Variants in COL25A1 observed in about 807,000 individuals in gnomAD.
COL25A1 encodes the protein collagen alpha-1(XXV) chain.
Under a neutral mutation model 128.4 loss-of-function variants are expected in COL25A1, and 103 were observed. The observed-to-expected ratio is 0.80, with a 90% CI of 0.68 to 0.94. COL25A1 has a LOEUF of 0.94. Ranked by LOEUF, COL25A1 falls within the 40% of genes least tolerant of loss-of-function variation. The pLI, the probability that COL25A1 is intolerant of heterozygous loss-of-function variation, is 0.00. For missense variants in COL25A1, 745 were observed against 840.0 expected, an observed-to-expected ratio of 0.89 and a Z score of 1.40; for synonymous variants, 279 against 277.2, an observed-to-expected ratio of 1.01 and a Z score of -0.06.
chr4:108,844,373 A>G (rs1402259537), intron 30 of COL25A1, 146 bp downstream of exon 30: 1 of 1,376,988 alleles, frequency 7.3e-7, no homozygotes, highest in Non-Finnish European at 1.0e-6. Flanking sequence ...TAAAGTTAAT[A>G]TATCTCAAAG....
intron 3 of COL25A1, among the ~76,000 whole-genome samples, chr4:109,063,611 G>T (rs1486006555): frequency 6.6e-6 from 1 of 152,086 alleles, no homozygotes; most frequent in Non-Finnish European, 1.5e-5. Flanking sequence ...GGAAGCAGAG[G>T]CAGGAGGATC....
intron 8 of COL25A1, among the ~76,000 whole-genome samples, chr4:108,967,204 T>C (rs1261031158): frequency 6.6e-6 from 1 of 152,216 alleles, no homozygotes; most frequent in Non-Finnish European, 1.5e-5. Context: ...TGAAATAAGG[T>C]GTGACATCAT....
intron 8 of COL25A1, among the ~76,000 whole-genome samples, chr4:108,946,688 G>A (rs936672369): frequency 1.3e-5 from 2 of 152,090 alleles, no homozygotes; most frequent in Non-Finnish European, 2.9e-5. Flanking sequence ...TAAGTATTAT[G>A]GTGGAGAAGT....
chr4:108,829,072 T>C (rs1358173585), intron 32 of COL25A1, among the ~76,000 whole-genome samples: 1 of 152,178 alleles, frequency 6.6e-6, no homozygotes, highest in East Asian at 1.9e-4. Flanking sequence ...GCAGAAGCAA[T>C]TGCACTCAGC....
At position 109,269,180 on chromosome 4, in the gene COL25A1, G is replaced by C. The variant is rs557909414; in HGVS notation, c.367+31403C>G. Among the ~76,000 whole-genome samples the C allele has an allele frequency of 6.0e-4, 90 of 150,532 alleles. 1 individual carries two copies. The highest frequency in any genetic ancestry group is 1.3e-3 in the South Asian group (6 of 4,770). ...TCCCACCTATGAGTGAGAATATGCG[G>C]TGTTTGGTTTTTTGTTCTTGCGATA... On this transcript the variant is annotated intron_variant, in intron 3 of 37. Transcript: ENST00000399132.
At chr4:109,225,218 T>A (rs1778723388) in intron 3 of COL25A1, among the ~76,000 whole-genome samples, 1 of 152,164 alleles carries the variant, frequency 6.6e-6, no homozygotes, top group Non-Finnish European at 1.5e-5. Flanking sequence ...AGTAAAATAT[T>A]TGCAAAGTGT....
chr4:109,236,993 T>C (rs2126226502), intron 3 of COL25A1, among the ~76,000 whole-genome samples: 1 of 152,130 alleles, frequency 6.6e-6, no homozygotes, highest in East Asian at 1.9e-4. Flanking sequence ...ATGAAGGAAA[T>C]ACATCAAAAT....
chr4:108,856,547 T>C (rs758128054), intron 24 of COL25A1, among the ~76,000 whole-genome samples: 15 of 152,172 alleles, frequency 9.9e-5, no homozygotes, highest in Non-Finnish European at 1.8e-4. Flanking sequence ...ATTAATTTTA[T>C]GAGGGACTCA....
intron 3 of COL25A1, among the ~76,000 whole-genome samples, chr4:109,160,369 A>C (rs1772445954): frequency 6.6e-6 from 1 of 152,194 alleles, no homozygotes; most frequent in Non-Finnish European, 1.5e-5. Context: ...AACAATCAAA[A>C]ATTTTAAGTT....
At chr4:109,227,306 CA>C (rs1235380133) in intron 3 of COL25A1, among the ~76,000 whole-genome samples, 5 of 151,966 alleles carry the variant, frequency 3.3e-5, no homozygotes, top group African/African-American at 1.2e-4. Flanking sequence ...ATTATTTACA[CA>C]ATTTACACCT....
intron 21 of COL25A1, 79 bp from the exon 22 acceptor site, chr4:108,862,624 C>T (rs988204600): frequency 1.6e-6 from 2 of 1,212,512 alleles, no homozygotes; most frequent in Admixed American, 1.8e-5. Flanking sequence ...TTAGCAGTGA[C>T]TCAGAATAAT....
At chr4:109,118,101 A>G (rs1450850054) in intron 3 of COL25A1, among the ~76,000 whole-genome samples, 2 of 151,774 alleles carry the variant, frequency 1.3e-5, no homozygotes, top group Non-Finnish European at 3.0e-5. Flanking sequence ...TGGTCGAAAT[A>G]CAGCAATTAA....
chr4:109,301,587 G>T, intron 2 of COL25A1, 136 bp downstream of exon 2: 1 of 903,838 alleles, frequency 1.1e-6, no homozygotes, highest in Non-Finnish European at 1.7e-6. Context: ...ATAGATCCTT[G>T]GCCAACACAT....
intron 3 of COL25A1, among the ~76,000 whole-genome samples, chr4:109,128,920 GA>G (rs1432259236): frequency 1.3e-5 from 2 of 152,172 alleles, no homozygotes; most frequent in African/African-American, 4.8e-5. Flanking sequence ...AACAATATGT[GA>G]AACTGGGAAC....
At chr4:109,138,145 C>G (rs999703096) in intron 3 of COL25A1, among the ~76,000 whole-genome samples, 1 of 152,054 alleles carries the variant, frequency 6.6e-6, no homozygotes, top group African/African-American at 2.4e-5. Context: ...TTGCTCCCAT[C>G]CCCCTGACAG....
intron 3 of COL25A1, among the ~76,000 whole-genome samples, chr4:109,107,380 A>G (rs527758692): frequency 6.6e-6 from 1 of 152,260 alleles, no homozygotes; most frequent in African/African-American, 2.4e-5. Context: ...AACCTCAAAG[A>G]TGACTAGATA....
intron 32 of COL25A1, among the ~76,000 whole-genome samples, chr4:108,829,428 TATCTATCA>T (rs778208474): frequency 7.2e-6 from 1 of 138,974 alleles, no homozygotes; most frequent in Non-Finnish European, 1.6e-5. Flanking sequence ...TCTATCTATC[TATCTATCA>T]TCTATCTATC....
intron 3 of COL25A1, among the ~76,000 whole-genome samples, chr4:109,051,297 T>A (rs977078730): frequency 3.3e-5 from 5 of 152,026 alleles, no homozygotes; most frequent in African/African-American, 1.2e-4. Flanking sequence ...AACAAAAACA[T>A]CAGTGGGGCA....
At position 108,845,199 on chromosome 4, in the gene COL25A1, T is replaced by C. The variant is rs762084218; in HGVS notation, c.1568A>G (p.Gln523Arg). 6.2e-7 allele frequency: 1 copy of C among 1,613,826 alleles called. No individual in the cohort carries two copies. The highest frequency in any genetic ancestry group is 1.1e-5 in the South Asian group (1 of 91,084). The change falls in exon 29 of 38, where the codon CAG (glutamine) becomes CGG (arginine). Residue 523 changes from glutamine (Q) to arginine (R), a missense_variant. Around this residue, in one of 3 missense-constraint regions of COL25A1, gnomAD observed 387 missense variants for 441.9 expected, o/e 0.88. Coordinates refer to ENST00000399132, the MANE Select transcript of COL25A1 (RefSeq NM_198721.4). ...CCACCATGGACTTACAGAAGGACCC[T>C]GTGGACCCGGCATTCCAGAATCTCC... ...EKGDSGMPGPQGPSIIGPPGP... is the reference protein window; with the variant it reads ...EKGDSGMPGPRGPSIIGPPGP...
Sources: gnomAD v4.1 joint callset for allele counts (sites outside exome capture counted in the v4.1 genomes callset) on GRCh38, gnomAD v4.1.1 for gene constraint, gnomAD v4.1.1 regional missense constraint, MANE v1.5 for transcripts, NCBI Gene and HGNC (gene_info 2026-07-23, HGNC 2026-07-21) for gene names.